Variants in ABCB5 observed in about 807,000 individuals in gnomAD.
ABCB5 encodes the protein ATP-binding cassette sub-family B member 5.
In ABCB5, 155 loss-of-function variants were observed where a neutral mutation model predicts 144.2. That is an observed-to-expected ratio of 1.08 (90% CI 0.94 to 1.23). The LOEUF (loss-of-function observed/expected upper bound fraction) is 1.23, where lower values mean the gene tolerates loss of function less well. ABCB5 is among the 50% of genes most tolerant of loss of function. The pLI is 0.00. For synonymous variants in ABCB5, 610 were observed against 528.6 expected (o/e 1.15, Z -2.11); for missense variants, 1,830 against 1,520.8 (o/e 1.20, Z -3.38).
At chr7:20,670,034 T>G (rs150281586) in intron 14 of ABCB5, among the ~76,000 whole-genome samples, 8 of 152,272 alleles carry the variant, frequency 5.3e-5, no homozygotes, top group Non-Finnish European at 1.2e-4. Context: ...GAACTCAAAT[T>G]GAGATATTCT....
At chr7:20,668,446 C>A (rs542070696) in intron 14 of ABCB5, among the ~76,000 whole-genome samples, 1 of 151,566 alleles carries the variant, frequency 6.6e-6, no homozygotes, top group Non-Finnish European at 1.5e-5. Context: ...CGTCTCTGCC[C>A]GGCCGCCCCG....
chr7:20,752,699 T>G (rs1782968596), intron 26 of ABCB5, among the ~76,000 whole-genome samples: 1 of 152,066 alleles, frequency 6.6e-6, no homozygotes. Context: ...ATACAAAAAT[T>G]AGCCAGGCAT....
chr7:20,752,217 A>G (rs958943475), intron 26 of ABCB5, among the ~76,000 whole-genome samples: 1 of 152,052 alleles, frequency 6.6e-6, no homozygotes, highest in Non-Finnish European at 1.5e-5. Flanking sequence ...AATGGAACTG[A>G]TCCATCTACA....
intron 9 of ABCB5, among the ~76,000 whole-genome samples, chr7:20,646,899 C>T (rs1030839073): frequency 1.3e-5 from 2 of 152,204 alleles, no homozygotes; most frequent in Middle Eastern, 3.4e-3. Flanking sequence ...TGAGCATGAA[C>T]GATTTTTCAC....
intron 14 of ABCB5, chr7:20,659,077 G>T (rs752572804): frequency 3.1e-6 from 5 of 1,613,960 alleles, no homozygotes; most frequent in Admixed American, 1.7e-5. Context: ...ATACCCCCAG[G>T]TATTCATTTT....
intron 15 of ABCB5, among the ~76,000 whole-genome samples, chr7:20,684,801 C>T (rs1018831200): frequency 6.6e-6 from 1 of 152,108 alleles, no homozygotes; most frequent in Non-Finnish European, 1.5e-5. Context: ...AAAGAATCAC[C>T]GTGTCCCTGG....
chr7:20,741,168 G>T (rs1396035032), intron 24 of ABCB5, among the ~76,000 whole-genome samples: 1 of 151,418 alleles, frequency 6.6e-6, no homozygotes, highest in Non-Finnish European at 1.5e-5. Context: ...TTCCAGCTGG[G>T]TGATAGGTAT....
rs1459824620 is a variant in ABCB5, at chr7:20,658,531, A to C, written c.1562A>C (p.Lys521Thr). The change falls in exon 14 of 28, where the codon AAA (lysine) becomes ACA (threonine). Residue 521 changes from lysine to threonine, a missense_variant. Physicochemically the swap from Lys to Thr is moderately conservative, Grantham distance 78. Coordinates refer to ENST00000404938, the MANE Select transcript of ABCB5 (RefSeq NM_001163941.2). ...AAATTTAATACATTGGTAGGGGAAA[A>C]AGGAGCTCAAATGAGTGGAGGGCAG... ...PNKFNTLVGE[K>T]GAQMSGGQKQ... 4 of 1,613,968 alleles carry C rather than the reference A, an allele frequency of 2.5e-6. No homozygotes were observed. The highest frequency in any genetic ancestry group is 1.7e-6 in the Non-Finnish European group (2 of 1,180,004).
chr7:20,712,455 T>A (rs904944762), intron 20 of ABCB5, among the ~76,000 whole-genome samples: 1 of 149,506 alleles, frequency 6.7e-6, no homozygotes, highest in Non-Finnish European at 1.5e-5. Context: ...TTTATCTAAG[T>A]ATTTTTTTCT....
intron 5 of ABCB5, among the ~76,000 whole-genome samples, chr7:20,636,782 C>CAA (rs35824075): frequency 8.2e-4 from 61 of 74,180 alleles, no homozygotes; most frequent in Non-Finnish European, 1.4e-3. Flanking sequence ...AAGACTCCAT[C>CAA]AAAAAAAAAA....
chr7:20,739,160 A>C, intron 24 of ABCB5, 21 bp downstream of exon 24: 5 of 1,547,588 alleles, frequency 3.2e-6, no homozygotes, highest in Middle Eastern at 1.8e-4. Flanking sequence ...CTGTGATCTT[A>C]AATGTCCAAA....
chr7:20,642,426 C>A (rs1784313308), intron 5 of ABCB5, among the ~76,000 whole-genome samples: 1 of 152,202 alleles, frequency 6.6e-6, no homozygotes, highest in African/African-American at 2.4e-5. Context: ...AGAAACTTTT[C>A]TTGACCACTC....
intron 4 of ABCB5, among the ~76,000 whole-genome samples, chr7:20,630,813 G>A (rs1239903704): frequency 6.6e-6 from 1 of 151,536 alleles, no homozygotes; most frequent in African/African-American, 2.4e-5. Flanking sequence ...GGATAGGCTA[G>A]GCACTACATA....
chr7:20,685,898 C>T (rs1010402234), intron 16 of ABCB5, 62 bp downstream of exon 16: 11 of 1,483,196 alleles, frequency 7.4e-6, no homozygotes, highest in African/African-American at 1.4e-5. Flanking sequence ...TTAATCCTTA[C>T]AAAATTTAAA....
chr7:20,632,424 G>T (rs1424183123), intron 5 of ABCB5, among the ~76,000 whole-genome samples: 1 of 152,094 alleles, frequency 6.6e-6, no homozygotes, highest in East Asian at 1.9e-4. Context: ...GAAAGGACTT[G>T]ATTTTCCTTC....
At chr7:20,660,004 A>G (rs1340163581) in intron 14 of ABCB5, 1 of 985,406 alleles carries the variant, frequency 1.0e-6, no homozygotes, top group East Asian at 1.1e-4. Flanking sequence ...GATTTTAAAA[A>G]ATGTATTGTA....
intron 26 of ABCB5, among the ~76,000 whole-genome samples, chr7:20,746,619 G>A (rs1340322707): frequency 6.6e-6 from 1 of 152,042 alleles, no homozygotes; most frequent in East Asian, 1.9e-4. Flanking sequence ...TGTCTGTATT[G>A]GCTGTGGCAA....
chr7:20,710,566 G>T (rs1463331507), intron 20 of ABCB5, among the ~76,000 whole-genome samples: 2 of 148,938 alleles, frequency 1.3e-5, no homozygotes, highest in African/African-American at 5.0e-5. Context: ...GGTCAGATTT[G>T]GCCTGTAATC....
intron 20 of ABCB5, among the ~76,000 whole-genome samples, chr7:20,713,934 C>A (rs1462839032): frequency 7.7e-6 from 1 of 130,072 alleles, no homozygotes; most frequent in Non-Finnish European, 1.7e-5. Flanking sequence ...ACTTAGATTC[C>A]TGAGATTCTC....
Sources: gnomAD v4.1 joint callset for allele counts (sites outside exome capture counted in the v4.1 genomes callset) on GRCh38, gnomAD v4.1.1 for gene constraint, MANE v1.5 for transcripts, NCBI Gene and HGNC (gene_info 2026-07-23, HGNC 2026-07-21) for gene names.